Variants in PER2 observed in about 807,000 individuals in gnomAD.
PER2 encodes the protein period circadian regulator 2.
A neutral mutation model predicts 121.0 loss-of-function variants in PER2; 66 were observed. The observed-to-expected ratio is 0.55, with a 90% CI of 0.45 to 0.67. The LOEUF is 0.67. PER2 is among the 30% of genes least tolerant of loss of function. The pLI is 0.00. For synonymous variants in PER2, 684 were observed against 659.9 expected (o/e 1.04, Z -0.56); for missense variants, 1,521 against 1,635.0 (o/e 0.93, Z 1.20).
rs1695659257 is a variant in PER2, at chr2:238,253,218, G to A, written c.2805C>T (p.Pro935=). The A allele has an allele frequency of 1.3e-6, 2 of 1,598,992 alleles. No individual in the cohort carries two copies. Among genetic ancestry groups the A allele is most frequent in the Non-Finnish European group, 1.7e-6 (2 of 1,170,860 alleles). Residue 935 remains proline, a synonymous_variant, in exon 19 of 23, where the codon CCC becomes CCT. Coordinates refer to ENST00000254657, the MANE Select transcript of PER2 (RefSeq NM_022817.3). This position sits in a 1 kb window ranked among gnomAD's most constrained non-coding sequence, Gnocchi z 5.6. Reference sequence around the variant, plus strand: ...CAGAGGCCATCTCGGATGTGAGTGTGGGGTGGCTCGGAAACTGAGGCTGGC... The same window carrying A: ...CAGAGGCCATCTCGGATGTGAGTGTAGGGTGGCTCGGAAACTGAGGCTGGC... ...FPSQPQFPSH[P]TLTSEMASAS...
intron 13 of PER2, 140 bp from the exon 14 acceptor site, chr2:238,260,193 G>C (rs1047140411): frequency 1.4e-5 from 9 of 621,922 alleles, no homozygotes; most frequent in Non-Finnish European, 2.0e-5. Flanking sequence ...GACAGGTGTA[G>C]AGCTAGATAA....
At chr2:238,295,474 C>G in the PER2 span, 2 of 152,272 alleles carry the variant, frequency 1.3e-5, no homozygotes, top group African/African-American at 4.8e-5. Context: ...CTCAAATCGT[C>G]CCCCTGCCTC....
chr2:238,297,327 G>C, the PER2 span, among the ~76,000 whole-genome samples: 2 of 152,194 alleles, frequency 1.3e-5, no homozygotes, highest in African/African-American at 4.8e-5. Context: ...AAGAGGAGGA[G>C]CACAGGCAGG....
chr2:238,271,911 C>G (rs1696302556), intron 5 of PER2, among the ~76,000 whole-genome samples: 1 of 152,056 alleles, frequency 6.6e-6, no homozygotes, highest in South Asian at 2.1e-4. Context: ...AGATAACCTC[C>G]CCTCCTCCCA....
rs927289786 is a variant in PER2 at position 238,284,258 on chromosome 2, T to G, written c.-20+4091A>C. 3.9e-5 allele frequency among the ~76,000 whole-genome samples: 6 copies of G among 151,920 alleles called. No homozygotes were observed. In the East Asian group the frequency reaches 9.7e-4, roughly 25 times the overall value. ...AGGAGTTCGCAACCAGCCAGACCAATATGGTGAAACCCGTCTCTACTAAAA... is the reference window on the plus strand; with the variant it reads ...AGGAGTTCGCAACCAGCCAGACCAAGATGGTGAAACCCGTCTCTACTAAAA... On this transcript the variant is annotated intron_variant, in intron 1 of 22. Coordinates refer to ENST00000254657, the MANE Select transcript of PER2 (RefSeq NM_022817.3).
chr2:238,275,200 G>A (rs961165147), intron 4 of PER2, among the ~76,000 whole-genome samples: 5 of 152,142 alleles, frequency 3.3e-5, no homozygotes, highest in Admixed American at 1.3e-4. Context: ...GTGCATGTGC[G>A]CAACACATGA....
At chr2:238,254,843 A>C (rs1422315557) in intron 18 of PER2, 1 of 151,952 alleles carries the variant, frequency 6.6e-6, no homozygotes, top group African/African-American at 2.4e-5. Flanking sequence ...AGTGGAGAAG[A>C]CATAATCCTC....
At position 238,268,096 on chromosome 2, in the gene PER2, G is replaced by A. The variant is rs35564455; in HGVS notation, c.927C>T (p.Cys309=). The A allele has an allele frequency of 4.3e-4, 700 of 1,614,158 alleles. 4 individuals carry two copies. In the African/African-American group the frequency reaches 7.2e-3, roughly 16 times the overall value. ...GCACTCTCTCTGCCAGCAGAAGGCA[G>A]CAAAGCTGACTCTCAGCACCTTGTT... ...RDQQGAESQL[C]CLLLAERVHS... The change falls in exon 8 of 23, where the codon TGC becomes TGT. Residue 309 remains cysteine, a synonymous_variant. Transcript: ENST00000254657. This position sits in a 1 kb window ranked among gnomAD's most constrained non-coding sequence, Gnocchi z 4.0.
intron 18 of PER2, chr2:238,254,900 T>G (rs1391252998): frequency 1.3e-5 from 2 of 152,232 alleles, no homozygotes; most frequent in Non-Finnish European, 2.9e-5. Flanking sequence ...TTGGTGCGTC[T>G]GCCCAGAGAC....
intron 22 of PER2, among the ~76,000 whole-genome samples, chr2:238,246,820 G>A (rs1695464135): frequency 6.6e-6 from 1 of 152,208 alleles, no homozygotes; most frequent in South Asian, 2.1e-4. Flanking sequence ...AGCTTGCAGT[G>A]AGCGGAGATC....
chr2:238,282,648 T>G (rs1429424240), intron 1 of PER2, among the ~76,000 whole-genome samples: 3 of 152,208 alleles, frequency 2.0e-5, no homozygotes. Context: ...GTGCCAGCAG[T>G]TTCCCACTGA....
rs143818829 is a variant in PER2, at chr2:238,262,318, C to G, written c.1180G>C (p.Asp394His). 6.2e-7 allele frequency: 1 copy of G among 1,613,990 alleles called. No individual in the cohort carries two copies. The change falls in exon 11 of 23, where the codon GAC becomes CAC. Residue 394 changes from aspartate to histidine, a missense_variant. Coordinates refer to ENST00000254657, the MANE Select transcript of PER2 (RefSeq NM_022817.3). Reference protein sequence around the residue: ...KILQSGGQPFDYSPIRFRARN... With the variant: ...KILQSGGQPFHYSPIRFRARN... ...GCGCGAAACCGAATGGGAGAATAGT[C>G]GAAAGGCTGCCCGCCTGACTGCAGG...
At chr2:238,272,216 C>G (rs1164589613) in intron 5 of PER2, among the ~76,000 whole-genome samples, 5 of 152,220 alleles carry the variant, frequency 3.3e-5, no homozygotes, top group Non-Finnish European at 7.3e-5. Context: ...GAAGAAACCC[C>G]AGCTGTCTCC....
upstream of PER2, among the ~76,000 whole-genome samples, chr2:238,293,828 G>A (rs1449187393): frequency 1.3e-5 from 2 of 152,302 alleles, no homozygotes; most frequent in East Asian, 3.9e-4. Context: ...GGAGGGGGTA[G>A]CAGTGGGTAG....
intron 3 of PER2, 84 bp downstream of exon 3, chr2:238,277,047 C>A (rs964052331): frequency 1.9e-6 from 2 of 1,048,716 alleles, no homozygotes; most frequent in Admixed American, 1.7e-5. Context: ...AAAAAAGCCA[C>A]GTCACTCCCA....
At position 238,271,330 on chromosome 2, in the gene PER2, TCCA is replaced by T; in HGVS notation, c.751_753del (p.Trp251del). On this transcript the variant is annotated inframe_deletion, in exon 6 of 23. Transcript: ENST00000254657. ...ACCTCACCTGCTCCACTGCACATGC[TCCA>T]CAAGGGAAGCTTGTACGGGGAGGTG... is the stretch of plus-strand genomic sequence containing the variant. The T allele has an allele frequency of 6.2e-7, 1 of 1,613,860 alleles. No homozygotes were observed. Among genetic ancestry groups the T allele is most frequent in the Non-Finnish European group, 8.5e-7 (1 of 1,179,880 alleles).
chr2:238,251,169 T>C (rs1369230867), intron 20 of PER2, among the ~76,000 whole-genome samples: 2 of 152,148 alleles, frequency 1.3e-5, no homozygotes, highest in Admixed American at 6.5e-5. Context: ...TCCAGAGAAG[T>C]AGGGGAGCTT....
chr2:238,247,274 T>A (rs761975032), intron 22 of PER2: 6 of 152,360 alleles, frequency 3.9e-5, no homozygotes. Context: ...GGAAGTCACC[T>A]GCTACACTGT....
chr2:238,266,194 C>T (rs529904254), intron 8 of PER2, among the ~76,000 whole-genome samples: 42 of 152,264 alleles, frequency 2.8e-4, no homozygotes, highest in Middle Eastern at 3.4e-3. Flanking sequence ...TGAGCCACTG[C>T]GCCCGGCCCC....
Sources: gnomAD v4.1 joint callset for allele counts (sites outside exome capture counted in the v4.1 genomes callset) on GRCh38, gnomAD v4.1.1 for gene constraint, Gnocchi (gnomAD v3.1) non-coding constraint, MANE v1.5 for transcripts, NCBI Gene and HGNC (gene_info 2026-07-23, HGNC 2026-07-21) for gene names.